COL9A2: variants seen among roughly 807,000 people sequenced by gnomAD.
COL9A2 encodes the protein collagen alpha-2(IX) chain.
COL9A2 carries 66 observed loss-of-function variants against 111.6 expected under a neutral mutation model. The observed-to-expected ratio is 0.59, with a 90% CI of 0.48 to 0.73. The LOEUF (loss-of-function observed/expected upper bound fraction) is 0.73, where lower values mean the gene tolerates loss of function less well. Ranked by LOEUF, COL9A2 falls within the 30% of genes least tolerant of loss-of-function variation. COL9A2 has a pLI of 0.00. For missense variants in COL9A2, 881 were observed against 954.1 expected (o/e 0.92, Z 1.01); for synonymous variants, 353 against 364.1 (o/e 0.97, Z 0.35).
At position 40,303,271 on chromosome 1, in the gene COL9A2, T is replaced by A. The variant is rs1643944858; in HGVS notation, c.1549-86A>T. On this transcript the variant is annotated intron_variant, in intron 28 of 31. Coordinates refer to ENST00000372748, the MANE Select transcript of COL9A2 (RefSeq NM_001852.4). The surrounding 1 kb of genome is among the most constrained non-coding windows in gnomAD (Gnocchi z 4.6). ...CACCTGGCTGAGCGTGAGGCCGCCA[T>A]GGAGGAGACTCTGGTGTTGAGTCAT... 7.4e-7 allele frequency: 1 copy of A among 1,353,688 alleles called. No individual in the cohort carries two copies. The highest frequency in any genetic ancestry group is 1.0e-6 in the Non-Finnish European group (1 of 965,134). 83.9% of individuals were successfully genotyped at this position (1,353,688 alleles called of 1,614,324 possible).
At chr1:40,305,681 C>T in intron 21 of COL9A2, 34 bp downstream of exon 21, 2 of 1,609,214 alleles carry the variant, frequency 1.2e-6, no homozygotes, top group Non-Finnish European at 1.7e-6. Context: ...CACCCTAAAG[C>T]AGGAACCCTT....
chr1:40,304,383 C>G lies in COL9A2; in HGVS notation c.1224G>C (p.Lys408Asn). Residue 408 changes from lysine (K) to asparagine (N), a missense_variant, in exon 24 of 32, where the codon AAG becomes AAC. Coordinates refer to ENST00000372748, the MANE Select transcript of COL9A2 (RefSeq NM_001852.4). Reference protein sequence around the residue: ...QPGPQGRQGPKGEQGPPGIPG... With the variant: ...QPGPQGRQGPNGEQGPPGIPG... Reference sequence around the variant, plus strand: ...GAATTCCGGGGGGGCCCTGCTCCCCCTTAGGGCCCTGAGGAGAAAAGAAAC... The same window carrying G: ...GAATTCCGGGGGGGCCCTGCTCCCCGTTAGGGCCCTGAGGAGAAAAGAAAC... 1 of 1,596,678 alleles carries G rather than the reference C, an allele frequency of 6.3e-7. No individual in the cohort carries two copies. Among genetic ancestry groups the G allele is most frequent in the Non-Finnish European group, 8.5e-7 (1 of 1,171,176 alleles).
Position 40,304,222 on chromosome 1 carries a change from C to T in COL9A2, c.1287+98G>A. On this transcript the variant is annotated intron_variant, in intron 24 of 31. Coordinates refer to ENST00000372748, the MANE Select transcript of COL9A2 (RefSeq NM_001852.4). Reference sequence around the variant, plus strand: ...CCGACCAGACCAGAACCCTGAGATCCGCAGGTTTGGAGGCTCCGGAAGGAT... The same window carrying T: ...CCGACCAGACCAGAACCCTGAGATCTGCAGGTTTGGAGGCTCCGGAAGGAT... The T allele has an allele frequency of 3.9e-6, 6 of 1,524,220 alleles. No homozygotes were observed. The South Asian group carries it at 6.1e-5, about 15-fold the overall frequency. 94.4% of individuals were successfully genotyped at this position (1,524,220 alleles called of 1,614,324 possible).
At position 40,302,524 on chromosome 1, in the gene COL9A2, G is replaced by A. The variant is rs1643929448; in HGVS notation, c.1792+97C>T. On this transcript the variant is annotated intron_variant, in intron 30 of 31. Coordinates refer to ENST00000372748, the MANE Select transcript of COL9A2 (RefSeq NM_001852.4). This position sits in a 1 kb window ranked among gnomAD's most constrained non-coding sequence, Gnocchi z 4.5. ...ACCATGTGGCTGAGGAACCGGGGAA[G>A]GGTCTGTATGTCATCCTGAGAAGGG... is the stretch of plus-strand genomic sequence containing the variant. 1.5e-6 allele frequency: 2 copies of A among 1,354,244 alleles called. No homozygotes were observed. Among genetic ancestry groups the A allele is most frequent in the African/African-American group, 2.9e-5 (2 of 69,044 alleles). 83.9% of individuals were successfully genotyped at this position (1,354,244 alleles called of 1,614,324 possible).
At position 40,310,570 on chromosome 1, in the gene COL9A2, C is replaced by G; in HGVS notation, c.684+144G>C. On this transcript the variant is annotated intron_variant, in intron 13 of 31. Coordinates refer to ENST00000372748, the MANE Select transcript of COL9A2 (RefSeq NM_001852.4). This position sits in a 1 kb window ranked among gnomAD's most constrained non-coding sequence, Gnocchi z 4.9. ...TCCTGTCCCTCATTCCTGACAATTT[C>G]AGCCTCCATCTCCCCATCCAGAGAT... 2 of 891,818 alleles carry G rather than the reference C, an allele frequency of 2.2e-6. No individual in the cohort carries two copies. Among genetic ancestry groups the G allele is most frequent in the Admixed American group, 4.0e-5 (2 of 49,880 alleles). 55.2% of individuals were successfully genotyped at this position (891,818 alleles called of 1,614,324 possible).
rs372342860 is a variant in COL9A2 at position 40,301,807 on chromosome 1, C to G, written c.1870+5G>C. The G allele has an allele frequency of 3.1e-6, 5 of 1,613,832 alleles. No homozygotes were observed. In the African/African-American group the frequency reaches 6.7e-5, roughly 22 times the overall value. On this transcript the variant is annotated splice_donor_5th_base_variant and intron_variant, in intron 31 of 31. Transcript: ENST00000372748. ...CACTGCAGCTGGGCAGGGCCAATGG[C>G]TTACCTGGGATCCCTGGGGGCCCAG...
Position 40,317,041 on chromosome 1 carries a change from C to A in COL9A2, c.75+82G>T. The A allele has an allele frequency of 3.6e-6, 5 of 1,403,540 alleles. No individual in the cohort carries two copies. The highest frequency in any genetic ancestry group is 2.0e-5 in the Admixed American group (1 of 50,784). 86.9% of individuals were successfully genotyped at this position (1,403,540 alleles called of 1,614,324 possible). A position where few individuals can be genotyped will look rare whatever the true frequency, so the allele number is the denominator to read the frequency against. Reference sequence around the variant, plus strand: ...CTCGGGCTAGGGGTGTCAGTAGGCGCGGGACACAGGCAGAGCTCCTCCATC... The same window carrying A: ...CTCGGGCTAGGGGTGTCAGTAGGCGAGGGACACAGGCAGAGCTCCTCCATC... On this transcript the variant is annotated intron_variant, in intron 1 of 31. Transcript: ENST00000372748. The surrounding 1 kb of genome is among the most constrained non-coding windows in gnomAD (Gnocchi z 4.3).
At chr1:40,313,091 T>C (rs979199666) in intron 4 of COL9A2, among the ~76,000 whole-genome samples, 3 of 152,250 alleles carry the variant, frequency 2.0e-5, no homozygotes, top group African/African-American at 4.8e-5. Flanking sequence ...TGGGTCAAGA[T>C]TGGTCATTTG....
At position 40,303,487 on chromosome 1, in the gene COL9A2, A is replaced by T. The variant is rs1643948836; in HGVS notation, c.1548+43T>A. ...GCGGGTAAGCCGCACCCCAGAACAG[A>T]TCTACCTAGAAGAAGCACCTCCTAC... On this transcript the variant is annotated intron_variant, in intron 28 of 31. Coordinates refer to ENST00000372748, the MANE Select transcript of COL9A2 (RefSeq NM_001852.4). The surrounding 1 kb of genome is among the most constrained non-coding windows in gnomAD (Gnocchi z 4.6). The T allele has an allele frequency of 1.2e-6, 2 of 1,611,670 alleles. No individual in the cohort carries two copies. Among genetic ancestry groups the T allele is most frequent in the East Asian group, 2.2e-5 (1 of 44,862 alleles).
rs1041786472 is a variant in COL9A2 at position 40,302,801 on chromosome 1, C to T, written c.1612G>A (p.Ala538Thr). ...VALKMLQEQL[A>T]EVAVSAKREA... ...CGCTTGGCACTCACGGCGACCTCTG[C>T]CAGTTGCTCTGGAGGGAGGGAGGGA... is the stretch of plus-strand genomic sequence containing the variant. Residue 538 changes from alanine to threonine, a missense_variant, in exon 30 of 32, where the codon GCA (alanine) becomes ACA (threonine). Ala to Thr is a moderately conservative substitution (Grantham distance 58). Coordinates refer to ENST00000372748, the MANE Select transcript of COL9A2 (RefSeq NM_001852.4). The surrounding 1 kb of genome is among the most constrained non-coding windows in gnomAD (Gnocchi z 4.5). 1.3e-6 allele frequency: 2 copies of T among 1,527,042 alleles called. No individual in the cohort carries two copies. The highest frequency in any genetic ancestry group is 1.4e-5 in the African/African-American group (1 of 70,956). 94.6% of individuals were successfully genotyped at this position (1,527,042 alleles called of 1,614,324 possible). A position where few individuals can be genotyped will look rare whatever the true frequency, so the allele number is the denominator to read the frequency against.
chr1:40,314,530 G>T lies in COL9A2; in HGVS notation c.151-143C>A. ...GGTCCCCTAAGCCTTGCAATCTTTG[G>T]GAAAAGAGCCCCCTTTTCCTCAAAA... On this transcript the variant is annotated intron_variant, in intron 2 of 31. Coordinates refer to ENST00000372748, the MANE Select transcript of COL9A2 (RefSeq NM_001852.4). This position sits in a 1 kb window ranked among gnomAD's most constrained non-coding sequence, Gnocchi z 4.1. 2 of 985,854 alleles carry T rather than the reference G, an allele frequency of 2.0e-6. No homozygotes were observed. Among genetic ancestry groups the T allele is most frequent in the South Asian group, 1.3e-5 (1 of 74,580 alleles). 61.1% of individuals were successfully genotyped at this position (985,854 alleles called of 1,614,324 possible).
intron 2 of COL9A2, chr1:40,315,112 G>A (rs983903161): frequency 3.4e-6 from 2 of 580,504 alleles, no homozygotes; most frequent in African/African-American, 4.1e-5. Context: ...TCAGAATGAG[G>A]TATTTAACCC....
Position 40,303,275 on chromosome 1 carries a change from G to A in COL9A2, c.1549-90C>T. On this transcript the variant is annotated intron_variant, in intron 28 of 31. Transcript: ENST00000372748. This position sits in a 1 kb window ranked among gnomAD's most constrained non-coding sequence, Gnocchi z 4.6. ...TGGCTGAGCGTGAGGCCGCCATGGA[G>A]GAGACTCTGGTGTTGAGTCATTAAT... 1 of 1,338,416 alleles carries A rather than the reference G, an allele frequency of 7.5e-7. No homozygotes were observed. The highest frequency in any genetic ancestry group is 1.0e-6 in the Non-Finnish European group (1 of 952,402). The allele number at this position is 1,338,416 out of a possible 1,614,324, so 82.9% of individuals were successfully genotyped here. A position where few individuals can be genotyped will look rare whatever the true frequency, so the allele number is the denominator to read the frequency against.
In COL9A2 at chr1:40,311,194, C is replaced by T. The variant is rs1569746531; in HGVS notation, c.576+36G>A. The T allele has an allele frequency of 5.0e-6, 8 of 1,614,198 alleles. No homozygotes were observed. Among genetic ancestry groups the T allele is most frequent in the Non-Finnish European group, 6.8e-6 (8 of 1,179,994 alleles). On this transcript the variant is annotated intron_variant, in intron 11 of 31. Transcript: ENST00000372748. The surrounding 1 kb of genome is among the most constrained non-coding windows in gnomAD (Gnocchi z 5.1). ...ATACGAGGTCCCCTCCTGTCACCTG[C>T]ACCACCCTCCCAAGATTCAGGCCAG... is the stretch of plus-strand genomic sequence containing the variant.
Position 40,311,602 on chromosome 1 carries a change from G to C in COL9A2, c.472-55C>G. 3 of 1,613,540 alleles carry C rather than the reference G, an allele frequency of 1.9e-6. No homozygotes were observed. The highest frequency in any genetic ancestry group is 2.5e-6 in the Non-Finnish European group (3 of 1,179,556). ...CCTGACCCTTTCCCGCCGCAGGCTT[G>C]CTCAAAGACCCTTCTCCTTCCCCTG... On this transcript the variant is annotated intron_variant, in intron 9 of 31. Coordinates refer to ENST00000372748, the MANE Select transcript of COL9A2 (RefSeq NM_001852.4). The surrounding 1 kb of genome is among the most constrained non-coding windows in gnomAD (Gnocchi z 5.1).
At chr1:40,309,896 C>T (rs753768948) in intron 16 of COL9A2, 42 bp downstream of exon 16, 1 of 1,609,460 alleles carries the variant, frequency 6.2e-7, no homozygotes, top group Non-Finnish European at 8.5e-7. Context: ...GCCCAGTACT[C>T]CCCAGGGGTC....
chr1:40,303,112 AG>A lies in COL9A2; in HGVS notation c.1603+18del, dbSNP rs768412299. 5.6e-6 allele frequency: 9 copies of A among 1,610,582 alleles called. No individual in the cohort carries two copies. The highest frequency in any genetic ancestry group is 7.6e-6 in the Non-Finnish European group (9 of 1,178,662). On this transcript the variant is annotated intron_variant, in intron 29 of 31. Transcript: ENST00000372748. This position sits in a 1 kb window ranked among gnomAD's most constrained non-coding sequence, Gnocchi z 4.6. ...CGATGCCCTCGAACTGACTGTGAGG[AG>A]GGGTTGCTGCCCCTCACCTTGCAGC...
rs1158514098 is a variant in COL9A2, at chr1:40,315,361, C to CAGCA, written c.150+225_150+228dup. The CAGCA allele has an allele frequency of 2.2e-6, 3 of 1,375,810 alleles. No homozygotes were observed. In the African/African-American group the frequency reaches 4.4e-5, roughly 20 times the overall value. 85.2% of individuals were successfully genotyped at this position (1,375,810 alleles called of 1,614,324 possible). ...TGTGAGCTGCGGCCGGCGGACTGAA[C>CAGCA]AGCAGCTCCTTGTCTGTCGGCGGCT... On this transcript the variant is annotated intron_variant, in intron 2 of 31. Coordinates refer to ENST00000372748, the MANE Select transcript of COL9A2 (RefSeq NM_001852.4).
rs914589906 is a variant in COL9A2, at chr1:40,311,035, G to C, written c.630+58C>G. On this transcript the variant is annotated intron_variant, in intron 12 of 31. Transcript: ENST00000372748. The surrounding 1 kb of genome is among the most constrained non-coding windows in gnomAD (Gnocchi z 5.1). ...GGGAAGGGACGAAGAAGGGGACAGA[G>C]CCCTGTAGGACCATCTCCACGTATC... 1 of 1,600,700 alleles carries C rather than the reference G, an allele frequency of 6.2e-7. No individual in the cohort carries two copies. Among genetic ancestry groups the C allele is most frequent in the African/African-American group, 1.3e-5 (1 of 74,682 alleles).
Sources: gnomAD v4.1 joint callset for allele counts (sites outside exome capture counted in the v4.1 genomes callset) on GRCh38, gnomAD v4.1.1 for gene constraint, Gnocchi (gnomAD v3.1) non-coding constraint, MANE v1.5 for transcripts, NCBI Gene and HGNC (gene_info 2026-07-23, HGNC 2026-07-21) for gene names.